The following COL4A1 variants were observed in gnomAD, a reference collection of about 807,000 sequenced individuals.
COL4A1 encodes collagen alpha-1(IV) chain.
In COL4A1, 40 loss-of-function variants were observed where a neutral mutation model predicts 216.6. The ratio of observed to expected loss-of-function variants is 0.18; its 90% CI spans 0.14 to 0.24. The LOEUF is 0.24. Ranked by LOEUF, COL4A1 falls within the 10% of genes least tolerant of loss-of-function variation. The pLI, the probability that COL4A1 is intolerant of heterozygous loss-of-function variation, is 1.00. For missense variants in COL4A1, 1,628 were observed against 2,196.8 expected (o/e 0.74, Z 5.18); for synonymous variants, 839 against 810.7 (o/e 1.03, Z -0.59).
At chr13:110,223,653 T>C (rs534549192) in intron 2 of COL4A1, among the ~76,000 whole-genome samples, 1 of 152,382 alleles carries the variant, frequency 6.6e-6, no homozygotes, top group South Asian at 2.1e-4. Flanking sequence ...TGTTGCACAC[T>C]GCAGCAATCA....
At chr13:110,183,424 T>G (rs1413238725) in intron 26 of COL4A1, 148 bp from the exon 27 acceptor site, 1 of 763,746 alleles carries the variant, frequency 1.3e-6, no homozygotes, top group African/African-American at 1.7e-5. Flanking sequence ...TGTTCTCCAC[T>G]TCTTCCCTTG....
intron 2 of COL4A1, among the ~76,000 whole-genome samples, chr13:110,237,082 C>G (rs1325404312): frequency 6.6e-6 from 1 of 152,170 alleles, no homozygotes; most frequent in Non-Finnish European, 1.5e-5. Context: ...GGTCCTCCAG[C>G]AGTCCTCCCC....
At chr13:110,239,742 G>T (rs1366114488) in intron 2 of COL4A1, among the ~76,000 whole-genome samples, 1 of 152,184 alleles carries the variant, frequency 6.6e-6, no homozygotes, top group African/African-American at 2.4e-5. Context: ...GTAGAAGGTG[G>T]CAGCCACTGA....
intron 29 of COL4A1, among the ~76,000 whole-genome samples, chr13:110,180,627 C>T (rs575962548): frequency 2.6e-5 from 4 of 152,380 alleles, no homozygotes; most frequent in African/African-American, 9.6e-5. Context: ...AATCGGTAGT[C>T]GCTCACATTT....
chr13:110,162,512 T>C, intron 47 of COL4A1, 70 bp from the exon 48 acceptor site: 1 of 1,132,310 alleles, frequency 8.8e-7, no homozygotes, highest in South Asian at 1.2e-5. Flanking sequence ...CAAAATCATT[T>C]TCTCCAAAGA....
rs1367057466 is a variant in COL4A1 at position 110,149,839 on chromosome 13, G to A, written c.*524C>T. The A allele has an allele frequency of 6.0e-6, 1 of 166,420 alleles. No individual in the cohort carries two copies. The highest frequency in any genetic ancestry group is 1.3e-5 in the Non-Finnish European group (1 of 75,366). The allele number at this position is 166,420 out of a possible 1,614,324, so 10.3% of individuals were successfully genotyped here. On this transcript the variant is annotated 3_prime_UTR_variant, in exon 52 of 52. Coordinates refer to ENST00000375820, the MANE Select transcript of COL4A1 (RefSeq NM_001845.6). ...GCAGAAAGACAGAAATTTATACTGGGGGGTTGGAAGATATGGCTACTGAGT... is the reference window on the plus strand; with the variant it reads ...GCAGAAAGACAGAAATTTATACTGGAGGGTTGGAAGATATGGCTACTGAGT...
chr13:110,201,239 G>A (rs542190074), intron 19 of COL4A1, among the ~76,000 whole-genome samples, 199 bp downstream of exon 19: 7 of 144,766 alleles, frequency 4.8e-5, no homozygotes, highest in Non-Finnish European at 7.5e-5. Context: ...GAGAGAGAGA[G>A]AAGGAGGAGG....
intron 2 of COL4A1, among the ~76,000 whole-genome samples, chr13:110,236,745 G>A (rs866411015): frequency 6.6e-6 from 1 of 152,226 alleles, no homozygotes; most frequent in South Asian, 2.1e-4. Context: ...GCTCACGCTG[G>A]GGGTGTTTCT....
At chr13:110,226,747 C>T (rs1004646665) in intron 2 of COL4A1, among the ~76,000 whole-genome samples, 2 of 152,178 alleles carry the variant, frequency 1.3e-5, no homozygotes, top group African/African-American at 4.8e-5. Context: ...TAAGTAAACA[C>T]CATTAATTCC....
At chr13:110,199,363 A>T (rs1879058661) in intron 20 of COL4A1, among the ~76,000 whole-genome samples, 1 of 152,236 alleles carries the variant, frequency 6.6e-6, no homozygotes, top group African/African-American at 2.4e-5. Context: ...AATGAAGAGC[A>T]GCATGGAGAG....
At chr13:110,214,501 C>T (rs1468091669) in intron 2 of COL4A1, among the ~76,000 whole-genome samples, 2 of 152,112 alleles carry the variant, frequency 1.3e-5, no homozygotes, top group Non-Finnish European at 2.9e-5. Flanking sequence ...AAGAGATGGG[C>T]ATTTGAATAC....
At chr13:110,152,229 C>T in intron 51 of COL4A1, 105 bp downstream of exon 51, 1 of 1,530,644 alleles carries the variant, frequency 6.5e-7, no homozygotes, top group South Asian at 1.2e-5. Flanking sequence ...TCATTGCTAA[C>T]CATCTTTGAG....
chr13:110,174,072 T>C (rs1219308593), intron 39 of COL4A1, 74 bp from the exon 40 acceptor site: 48 of 1,511,368 alleles, frequency 3.2e-5, no homozygotes, highest in Non-Finnish European at 4.2e-5. Context: ...AAATGGCCCT[T>C]TGCTGACATC....
rs535993790 is a variant in COL4A1, at chr13:110,180,063, A to G, written c.2194-642T>C. 4.6e-5 allele frequency among the ~76,000 whole-genome samples: 7 copies of G among 152,286 alleles called. No individual in the cohort carries two copies. The South Asian group carries it at 1.4e-3, about 32-fold the overall frequency. ...CTCCACCGGTGTCCCCTGTCTGCAA[A>G]TGATATTTCCAGAGAGGGAGGATTT... On this transcript the variant is annotated intron_variant, in intron 29 of 51. Coordinates refer to ENST00000375820, the MANE Select transcript of COL4A1 (RefSeq NM_001845.6).
Position 110,170,557 on chromosome 13 carries a change from A to T in COL4A1, c.3732T>A (p.Pro1244=), listed in dbSNP as rs776705202. The T allele has an allele frequency of 5.0e-6, 8 of 1,602,810 alleles. No homozygotes were observed. The highest frequency in any genetic ancestry group is 6.8e-6 in the Non-Finnish European group (8 of 1,174,480). The change falls in exon 42 of 52, where the codon CCT becomes CCA. Residue 1244 remains proline (P), a synonymous_variant. Coordinates refer to ENST00000375820, the MANE Select transcript of COL4A1 (RefSeq NM_001845.6). ...PKGDRGPQGQ[P]GLPGLPGPMG... is the part of the protein sequence containing the mutation. ...GCGAGATGCCCTTACCTGGCAGGCC[A>T]GGCTGGCCCTGAGGTCCGCGGTCTC...
At chr13:110,280,314 G>A (rs1238843626) in intron 1 of COL4A1, among the ~76,000 whole-genome samples, 1 of 152,172 alleles carries the variant, frequency 6.6e-6, no homozygotes, top group African/African-American at 2.4e-5. Context: ...TGCACACTTG[G>A]TGCCTATTAC....
chr13:110,287,768 G>A (rs1883900024), intron 1 of COL4A1, among the ~76,000 whole-genome samples: 1 of 152,186 alleles, frequency 6.6e-6, no homozygotes, highest in African/African-American at 2.4e-5. Context: ...GCCCAACACT[G>A]GTGTTTCCAA....
chr13:110,247,072 CTTGGGG>C (rs1426418845), intron 1 of COL4A1, among the ~76,000 whole-genome samples: 3 of 152,212 alleles, frequency 2.0e-5, no homozygotes, highest in African/African-American at 7.2e-5. Flanking sequence ...CTAGAAAGCT[CTTGGGG>C]TTGGGGGTGA....
In COL4A1 at chr13:110,177,604, A is replaced by G. The variant is rs557093089; in HGVS notation, c.2716+238T>C. ...TCACAAGAAGAATCTCATCTGTGCCAAGAAGGAAAGCCCAGCTTCTTTCTG... is the reference window on the plus strand; with the variant it reads ...TCACAAGAAGAATCTCATCTGTGCCGAGAAGGAAAGCCCAGCTTCTTTCTG... On this transcript the variant is annotated intron_variant, in intron 33 of 51. Transcript: ENST00000375820. Among the ~76,000 whole-genome samples, 8 of 152,248 alleles carry G rather than the reference A, an allele frequency of 5.3e-5. No individual in the cohort carries two copies. The South Asian group carries it at 1.2e-3, about 24-fold the overall frequency.
Sources: gnomAD v4.1 joint callset for allele counts (sites outside exome capture counted in the v4.1 genomes callset) on GRCh38, gnomAD v4.1.1 for gene constraint, MANE v1.5 for transcripts, NCBI Gene and HGNC (gene_info 2026-07-23, HGNC 2026-07-21) for gene names.